Variants in PCDHGA8 observed in about 807,000 individuals in gnomAD.
The protein encoded by PCDHGA8 is protocadherin gamma subfamily A, 8.
Under a neutral mutation model 59.2 loss-of-function variants are expected in PCDHGA8, and 45 were observed. The observed-to-expected ratio is 0.76, with a 90% CI of 0.60 to 0.98. PCDHGA8 has a LOEUF of 0.98. PCDHGA8 is among the 50% of genes least tolerant of loss of function. The pLI, the probability that PCDHGA8 is intolerant of heterozygous loss-of-function variation, is 0.00. For synonymous variants in PCDHGA8, 531 were observed against 519.0 expected, an observed-to-expected ratio of 1.02 and a Z score of -0.32; for missense variants, 1,257 against 1,196.2, an observed-to-expected ratio of 1.05 and a Z score of -0.75.
In PCDHGA8 at chr5:141,486,403, T is replaced by C; in HGVS notation, c.2425-8404T>C. ...GGAACCAGTTCTCCCTGGTGACTGC[T>C]GGACCCTTGGATCGAGAGGCCAAAT... On this transcript the variant is annotated intron_variant, in intron 1 of 3. Coordinates refer to ENST00000398604, the MANE Select transcript of PCDHGA8 (RefSeq NM_032088.2). This position sits in a 1 kb window ranked among gnomAD's most constrained non-coding sequence, Gnocchi z 5.0. The C allele has an allele frequency of 6.2e-7, 1 of 1,614,212 alleles. No individual in the cohort carries two copies. Among genetic ancestry groups the C allele is most frequent in the Non-Finnish European group, 8.5e-7 (1 of 1,180,034 alleles).
At chr5:141,423,008 C>A in intron 1 of PCDHGA8, 13 of 1,614,214 alleles carry the variant, frequency 8.1e-6, no homozygotes, top group Non-Finnish European at 1.1e-5. Flanking sequence ...AAGGTGGTTG[C>A]GGTGGACAAA....
intron 1 of PCDHGA8, among the ~76,000 whole-genome samples, chr5:141,492,108 C>T (rs1331001233): frequency 2.6e-5 from 4 of 152,232 alleles, no homozygotes; most frequent in African/African-American, 9.6e-5. Flanking sequence ...TAGATTTCCT[C>T]TTCGATTTCT....
At chr5:141,406,312 C>G (rs2094792276) in intron 1 of PCDHGA8, among the ~76,000 whole-genome samples, 1 of 152,028 alleles carries the variant, frequency 6.6e-6, no homozygotes, top group African/African-American at 2.4e-5. Context: ...CCACCTCACC[C>G]AGCAAATTCT....
intron 1 of PCDHGA8, among the ~76,000 whole-genome samples, chr5:141,456,780 T>A (rs1392367637): frequency 1.3e-5 from 2 of 152,000 alleles, no homozygotes; most frequent in Non-Finnish European, 2.9e-5. Flanking sequence ...CTGGCCTACA[T>A]GGCAAAACCC....
chr5:141,452,010 G>A (rs955708033), intron 1 of PCDHGA8, among the ~76,000 whole-genome samples: 1 of 152,192 alleles, frequency 6.6e-6, no homozygotes, highest in African/African-American at 2.4e-5. Context: ...ACTTGGTCCA[G>A]CCCACACTCT....
At chr5:141,410,479 G>A in intron 1 of PCDHGA8, 2 of 1,613,956 alleles carry the variant, frequency 1.2e-6, no homozygotes, top group Non-Finnish European at 1.7e-6. Flanking sequence ...TTGCACATAC[G>A]GGTACAAAAG....
chr5:141,404,695 TGCAGAGCC>T, intron 1 of PCDHGA8: 1 of 1,614,122 alleles, frequency 6.2e-7, no homozygotes, highest in Non-Finnish European at 8.5e-7. Flanking sequence ...CACCCCGCTC[TGCAGAGCC>T]TGGCTACCTG....
chr5:141,471,124 A>C (rs2099250596), intron 1 of PCDHGA8, among the ~76,000 whole-genome samples: 1 of 141,916 alleles, frequency 7.0e-6, no homozygotes, highest in East Asian at 2.1e-4. Flanking sequence ...TCTTACCTTC[A>C]CTGCAACCTC....
intron 1 of PCDHGA8, chr5:141,413,581 A>T: frequency 1.9e-6 from 3 of 1,613,920 alleles, no homozygotes; most frequent in Non-Finnish European, 2.5e-6. Context: ...CAATGCTCCA[A>T]AATTCCAAGC....
chr5:141,409,286 C>T (rs1304936825), intron 1 of PCDHGA8: 1 of 1,613,826 alleles, frequency 6.2e-7, no homozygotes, highest in African/African-American at 1.3e-5. Context: ...GAATTCACCT[C>T]CAGGAATGGT....
chr5:141,403,415 C>A, intron 1 of PCDHGA8: 1 of 1,614,046 alleles, frequency 6.2e-7, no homozygotes, highest in East Asian at 2.2e-5. Context: ...TTATCCACTT[C>A]CAGAAGCTAT....
intron 1 of PCDHGA8, chr5:141,413,247 CGGGATTCCAT>C: frequency 6.2e-7 from 1 of 1,613,940 alleles, no homozygotes; most frequent in South Asian, 1.1e-5. Flanking sequence ...GCCTTTTCTT[CGGGATTCCAT>C]GGGAGGCTGG....
intron 1 of PCDHGA8, among the ~76,000 whole-genome samples, chr5:141,469,716 A>G (rs1189597018): frequency 3.9e-5 from 6 of 152,260 alleles, no homozygotes; most frequent in African/African-American, 1.4e-4. Context: ...CACTATTAGG[A>G]ATTTATCATA....
intron 1 of PCDHGA8, chr5:141,410,014 G>C (rs1185262301): frequency 1.2e-6 from 2 of 1,613,296 alleles, no homozygotes. Context: ...ACGCCTGGCT[G>C]TCCTACCACG....
chr5:141,477,569 G>A lies in PCDHGA8; in HGVS notation c.2425-17238G>A. The A allele has an allele frequency of 6.2e-7, 1 of 1,614,104 alleles. No homozygotes were observed. Among genetic ancestry groups the A allele is most frequent in the Non-Finnish European group, 8.5e-7 (1 of 1,180,024 alleles). On this transcript the variant is annotated intron_variant, in intron 1 of 3. Coordinates refer to ENST00000398604, the MANE Select transcript of PCDHGA8 (RefSeq NM_032088.2). This position sits in a 1 kb window ranked among gnomAD's most constrained non-coding sequence, Gnocchi z 4.9. ...ACTAAACCTAAGTGTCTGGGACCCC[G>A]ACGCCCCGCAGAATGCTCGGCTTTC...
chr5:141,489,696 C>T lies in PCDHGA8; in HGVS notation c.2425-5111C>T. On this transcript the variant is annotated intron_variant, in intron 1 of 3. Transcript: ENST00000398604. This position sits in a 1 kb window ranked among gnomAD's most constrained non-coding sequence, Gnocchi z 4.5. ...AATCAGCAGCATCTGGGGCACGATT[C>T]CCACTGGACAGTGCCCAGGATCCGG... 6.2e-7 allele frequency: 1 copy of T among 1,614,170 alleles called. No homozygotes were observed. Among genetic ancestry groups the T allele is most frequent in the Non-Finnish European group, 8.5e-7 (1 of 1,180,002 alleles).
In PCDHGA8 at chr5:141,435,253, G is replaced by A. The variant is rs2097754974; in HGVS notation, c.2424+40016G>A. Among the ~76,000 whole-genome samples the A allele has an allele frequency of 1.3e-5, 2 of 152,064 alleles. 1 individual carries two copies. The highest frequency in any genetic ancestry group is 3.9e-4 in the East Asian group (2 of 5,184). On this transcript the variant is annotated intron_variant, in intron 1 of 3. Transcript: ENST00000398604. ...TTCAGTAATTCTTTCTGGCCATTAG[G>A]GATATGTCCATTTATACTTTCTCAG...
chr5:141,469,128 T>C (rs567164869), intron 1 of PCDHGA8, among the ~76,000 whole-genome samples: 1 of 151,692 alleles, frequency 6.6e-6, no homozygotes, highest in East Asian at 1.9e-4. Context: ...ATTTAAAAAT[T>C]AGCCAGAAAT....
intron 1 of PCDHGA8, among the ~76,000 whole-genome samples, chr5:141,401,410 A>C (rs536817103): frequency 6.6e-6 from 1 of 152,236 alleles, no homozygotes; most frequent in South Asian, 2.1e-4. Flanking sequence ...TGAGAGAGAA[A>C]GAGAGAGACT....
Sources: allele counts gnomAD v4.1 joint callset (sites outside exome capture counted in the v4.1 genomes callset), GRCh38; gene constraint gnomAD v4.1.1; non-coding constraint Gnocchi (gnomAD v3.1); transcripts MANE v1.5; gene names NCBI Gene and HGNC (gene_info 2026-07-23, HGNC 2026-07-21).